ATAD2B: variants seen among roughly 807,000 people sequenced by gnomAD.
The protein encoded by ATAD2B is ATPase family AAA domain-containing protein 2B.
A neutral mutation model predicts 167.6 loss-of-function variants in ATAD2B; 40 were observed. The observed-to-expected ratio is 0.24, with a 90% CI of 0.19 to 0.31. The LOEUF is 0.31. Among genes scored for constraint, ATAD2B ranks in the 10% least tolerant of loss-of-function variants. ATAD2B has a pLI of 1.00. For synonymous variants in ATAD2B, 579 were observed against 596.5 expected, an observed-to-expected ratio of 0.97 and a Z score of 0.43; for missense variants, 1,242 against 1,757.2, an observed-to-expected ratio of 0.71 and a Z score of 5.24.
At chr2:23,856,520 C>G (rs2149963941) in intron 13 of ATAD2B, 1 of 312,278 alleles carries the variant, frequency 3.2e-6, no homozygotes, top group East Asian at 1.3e-4. Flanking sequence ...CACACATATA[C>G]ATTAAGGAAT....
At chr2:23,842,125 T>C (rs140485997) in intron 13 of ATAD2B, among the ~76,000 whole-genome samples, 9 of 152,340 alleles carry the variant, frequency 5.9e-5, no homozygotes, top group African/African-American at 2.2e-4. Context: ...ATTATTGATA[T>C]ATTTGGGTTT....
intron 14 of ATAD2B, 147 bp downstream of exon 14, chr2:23,833,772 A>T: frequency 3.0e-6 from 2 of 656,110 alleles, no homozygotes; most frequent in Non-Finnish European, 4.8e-6. Flanking sequence ...ACTGTTCCAT[A>T]ATTACATAGG....
the ATAD2B span, chr2:23,706,410 C>T: frequency 2.9e-4 from 363 of 1,235,970 alleles, 1 homozygote; most frequent in East Asian, 6.9e-3. Flanking sequence ...CAGGACACGA[C>T]GTTGAGAACC....
intron 22 of ATAD2B, among the ~76,000 whole-genome samples, chr2:23,768,668 T>C (rs1297668585): frequency 1.3e-5 from 2 of 152,140 alleles, no homozygotes; most frequent in African/African-American, 4.8e-5. Context: ...AGCCCTCTAT[T>C]CCCAAGCAAT....
At chr2:23,776,170 G>A (rs1425205876) in intron 22 of ATAD2B, among the ~76,000 whole-genome samples, 3 of 152,142 alleles carry the variant, frequency 2.0e-5, no homozygotes, top group East Asian at 3.9e-4. Context: ...TACCAAATAT[G>A]ACTCATACTA....
At chr2:23,735,417 G>A in the ATAD2B span, among the ~76,000 whole-genome samples, 1 of 152,196 alleles carries the variant, frequency 6.6e-6, no homozygotes, top group African/African-American at 2.4e-5. Flanking sequence ...CAGTAGATGA[G>A]TGGTAGGAAA....
At chr2:23,819,432 A>G (rs1197349007) in intron 17 of ATAD2B, among the ~76,000 whole-genome samples, 2 of 151,186 alleles carry the variant, frequency 1.3e-5, no homozygotes, top group African/African-American at 4.9e-5. Flanking sequence ...CAGAGGTTGC[A>G]GTGAGCCAAG....
chr2:23,823,913 T>C (rs1347362677), intron 15 of ATAD2B, among the ~76,000 whole-genome samples: 1 of 151,982 alleles, frequency 6.6e-6, no homozygotes, highest in Non-Finnish European at 1.5e-5. Context: ...CTGATTACAA[T>C]GTACAACTTT....
the ATAD2B span, among the ~76,000 whole-genome samples, chr2:23,683,222 G>A: frequency 3.9e-5 from 6 of 152,238 alleles, no homozygotes; most frequent in Admixed American, 1.3e-4. Flanking sequence ...GGCGATGGCC[G>A]GTGGGGCTGG....
chr2:23,881,234 T>A (rs143900179), intron 6 of ATAD2B, among the ~76,000 whole-genome samples: 4 of 152,194 alleles, frequency 2.6e-5, no homozygotes, highest in African/African-American at 7.2e-5. Context: ...GTTAGGCCTG[T>A]TGACCACAGT....
intron 13 of ATAD2B, among the ~76,000 whole-genome samples, chr2:23,848,200 T>C (rs1416804769): frequency 6.6e-6 from 1 of 152,102 alleles, no homozygotes; most frequent in Non-Finnish European, 1.5e-5. Flanking sequence ...GTTTTTAAAG[T>C]TTTAAAAATA....
chr2:23,742,939 G>C, the ATAD2B span, among the ~76,000 whole-genome samples: 2 of 152,076 alleles, frequency 1.3e-5, no homozygotes, highest in South Asian at 2.1e-4. Flanking sequence ...GTAACATTTA[G>C]ACACACACCC....
At chr2:23,695,648 T>G in the ATAD2B span, 1 of 1,551,290 alleles carries the variant, frequency 6.4e-7, no homozygotes, top group Non-Finnish European at 8.7e-7. This position sits in a 1 kb window ranked among gnomAD's most constrained non-coding sequence, Gnocchi z 7.6. Context: ...CTGGCCGTGG[T>G]CCGCCTCCCC....
At chr2:23,774,155 T>A (rs1572695938) in intron 22 of ATAD2B, among the ~76,000 whole-genome samples, 1 of 152,198 alleles carries the variant, frequency 6.6e-6, no homozygotes, top group African/African-American at 2.4e-5. Context: ...CCCAAATAAT[T>A]TCATAAATAA....
chr2:23,866,928 G>C (rs1012591167), intron 10 of ATAD2B, among the ~76,000 whole-genome samples: 3 of 152,132 alleles, frequency 2.0e-5, no homozygotes, highest in Admixed American at 6.5e-5. Context: ...CTAACAATGA[G>C]AAAGAATCTA....
At chr2:23,721,122 G>C in the ATAD2B span, among the ~76,000 whole-genome samples, 1 of 152,198 alleles carries the variant, frequency 6.6e-6, no homozygotes, top group Admixed American at 6.5e-5. Flanking sequence ...AACTGCTCTT[G>C]AGCCAGCCAA....
intron 19 of ATAD2B, among the ~76,000 whole-genome samples, chr2:23,794,778 A>G (rs1021555722): frequency 6.6e-6 from 1 of 152,108 alleles, no homozygotes; most frequent in Non-Finnish European, 1.5e-5. Context: ...AGTACAGTAT[A>G]TTTCATGTAT....
chr2:23,733,648 A>G, the ATAD2B span, among the ~76,000 whole-genome samples: 1 of 152,042 alleles, frequency 6.6e-6, no homozygotes, highest in African/African-American at 2.4e-5. Flanking sequence ...CTCCCTCTCA[A>G]ATTCATTCTC....
At chr2:23,892,574 C>T (rs1699689502) in intron 2 of ATAD2B, among the ~76,000 whole-genome samples, 1 of 151,714 alleles carries the variant, frequency 6.6e-6, no homozygotes. Context: ...CAGGTTCAAG[C>T]AATTCTCGTG....
Sources: gnomAD v4.1 joint callset for allele counts (sites outside exome capture counted in the v4.1 genomes callset) on GRCh38, gnomAD v4.1.1 for gene constraint, Gnocchi (gnomAD v3.1) non-coding constraint, MANE v1.5 for transcripts, NCBI Gene and HGNC (gene_info 2026-07-23, HGNC 2026-07-21) for gene names.